The following EIF3H variants were observed in gnomAD, a reference collection of about 807,000 sequenced individuals.
EIF3H encodes the protein eukaryotic translation initiation factor 3 subunit H.
In EIF3H, 26 loss-of-function variants were observed where a neutral mutation model predicts 44.2. That is an observed-to-expected ratio of 0.59 (90% confidence interval 0.43 to 0.82). The LOEUF (loss-of-function observed/expected upper bound fraction) is 0.82, where lower values mean the gene tolerates loss of function less well. Among genes scored for constraint, EIF3H ranks in the 40% least tolerant of loss-of-function variants. EIF3H has a pLI of 0.00. For synonymous variants in EIF3H, 166 were observed against 151.9 expected, an observed-to-expected ratio of 1.09 and a Z score of -0.68; for missense variants, 359 against 432.8, an observed-to-expected ratio of 0.83 and a Z score of 1.51.
At chr8:116,762,645 G>A (rs760235340) in intron 1 of EIF3H, among the ~76,000 whole-genome samples, 5 of 152,190 alleles carry the variant, frequency 3.3e-5, no homozygotes, top group Non-Finnish European at 7.3e-5. Flanking sequence ...CAGAATGCTG[G>A]GGAATGGGCT....
chr8:116,756,679 T>G (rs1815455515), upstream of EIF3H, among the ~76,000 whole-genome samples: 1 of 152,234 alleles, frequency 6.6e-6, no homozygotes, highest in African/African-American at 2.4e-5. Context: ...TTTTGTTGTT[T>G]TGTCATTGGG....
intron 1 of EIF3H, among the ~76,000 whole-genome samples, chr8:116,753,788 T>A (rs980470974): frequency 6.6e-6 from 1 of 152,196 alleles, no homozygotes; most frequent in African/African-American, 2.4e-5. Context: ...TATTTGGCAC[T>A]TAACAGAATG....
At chr8:116,761,447 G>T (rs1437900806) in intron 1 of EIF3H, among the ~76,000 whole-genome samples, 1 of 149,270 alleles carries the variant, frequency 6.7e-6, no homozygotes, top group Non-Finnish European at 1.5e-5. Context: ...GGGAGGCAGA[G>T]GTTGCAGTGA....
At chr8:116,668,601 G>C (rs1398327073) in intron 2 of EIF3H, among the ~76,000 whole-genome samples, 3 of 152,096 alleles carry the variant, frequency 2.0e-5, no homozygotes, top group Non-Finnish European at 4.4e-5. Flanking sequence ...AGACTACTCT[G>C]AATCTGAAGC....
chr8:116,760,813 A>G (rs1815511383), upstream of EIF3H, among the ~76,000 whole-genome samples: 1 of 152,244 alleles, frequency 6.6e-6, no homozygotes, highest in South Asian at 2.1e-4. Flanking sequence ...AAATATATAC[A>G]AAACCATGAG....
chr8:116,681,926 A>C (rs139574857), intron 2 of EIF3H, among the ~76,000 whole-genome samples: 1 of 152,224 alleles, frequency 6.6e-6, no homozygotes. Flanking sequence ...AAAGATATAG[A>C]TAAGATAGGG....
chr8:116,666,955 G>A (rs1813680069), intron 2 of EIF3H, among the ~76,000 whole-genome samples: 1 of 152,170 alleles, frequency 6.6e-6, no homozygotes, highest in Admixed American at 6.5e-5. Flanking sequence ...AAGTATAAGT[G>A]TGTGTGCATA....
At chr8:116,713,611 A>G (rs1271140687) in intron 2 of EIF3H, among the ~76,000 whole-genome samples, 1 of 152,132 alleles carries the variant, frequency 6.6e-6, no homozygotes, top group African/African-American at 2.4e-5. Context: ...GATGCTTCCT[A>G]TTCAGATTTT....
intron 2 of EIF3H, among the ~76,000 whole-genome samples, chr8:116,674,979 C>A (rs4601347): frequency 0.85 from 129,676 of 152,216 alleles, 55,419 homozygotes; most frequent in Middle Eastern, 0.89. Context: ...ACTTTGAACA[C>A]TGCTCCTGTA....
intron 2 of EIF3H, among the ~76,000 whole-genome samples, chr8:116,720,908 A>G (rs1180132232): frequency 6.6e-6 from 1 of 152,100 alleles, no homozygotes; most frequent in African/African-American, 2.4e-5. Flanking sequence ...AAAATCATTC[A>G]GTTTTAAAAG....
At chr8:116,729,147 A>C (rs1488797817) in intron 1 of EIF3H, among the ~76,000 whole-genome samples, 1 of 152,180 alleles carries the variant, frequency 6.6e-6, no homozygotes, top group Admixed American at 6.5e-5. Context: ...TGAGATTGCT[A>C]AACCACTACT....
intron 2 of EIF3H, among the ~76,000 whole-genome samples, chr8:116,683,948 T>G (rs762351701): frequency 9.2e-5 from 14 of 152,250 alleles, no homozygotes; most frequent in Non-Finnish European, 1.6e-4. Context: ...CCACTTAGCA[T>G]GTATTCATGT....
intron 2 of EIF3H, among the ~76,000 whole-genome samples, chr8:116,661,586 A>C (rs1186441110): frequency 6.6e-6 from 1 of 152,246 alleles, no homozygotes; most frequent in Non-Finnish European, 1.5e-5. Flanking sequence ...TTCACTGGAC[A>C]TACTAATTAT....
chr8:116,729,405 C>T (rs563047026), intron 1 of EIF3H, among the ~76,000 whole-genome samples: 12 of 152,170 alleles, frequency 7.9e-5, no homozygotes, highest in African/African-American at 2.9e-4. Flanking sequence ...ATATTGAAAA[C>T]TGTCTTAACT....
At position 116,657,499 on chromosome 8, in the gene EIF3H, G is replaced by A. The variant is rs190569318; in HGVS notation, c.458-185C>T. ...ATTGCAAATAGCACTTGAAAATGCA[G>A]GAATACCTCTATCCTACTTACAATA... is the stretch of plus-strand genomic sequence containing the variant. On this transcript the variant is annotated intron_variant, in intron 3 of 7. Coordinates refer to ENST00000521861, the MANE Select transcript of EIF3H (RefSeq NM_003756.3). 241 of 588,936 alleles carry A rather than the reference G, an allele frequency of 4.1e-4. No individual in the cohort carries two copies. In the African/African-American group the frequency reaches 4.2e-3, roughly 10 times the overall value. The allele number at this position is 588,936 out of a possible 1,614,324, so 36.5% of individuals were successfully genotyped here.
intron 2 of EIF3H, among the ~76,000 whole-genome samples, chr8:116,695,756 G>T (rs1490775931): frequency 6.6e-6 from 1 of 152,132 alleles, no homozygotes; most frequent in Non-Finnish European, 1.5e-5. Context: ...ACTGAGCAAG[G>T]TGGGGAGGGC....
rs143759146 is a variant in EIF3H, at chr8:116,667,108, A to G, written c.290-8128T>C. Among the ~76,000 whole-genome samples, 10 of 152,346 alleles carry G rather than the reference A, an allele frequency of 6.6e-5. No individual in the cohort carries two copies. In the East Asian group the frequency reaches 1.9e-3, roughly 29 times the overall value. Reference sequence around the variant, plus strand: ...AGAAACTAGAAACTGAAGGAGAGGCAGAGACTTGAACAAAGTGAATCAGGC... The same window carrying G: ...AGAAACTAGAAACTGAAGGAGAGGCGGAGACTTGAACAAAGTGAATCAGGC... On this transcript the variant is annotated intron_variant, in intron 2 of 7. Coordinates refer to ENST00000521861, the MANE Select transcript of EIF3H (RefSeq NM_003756.3).
chr8:116,695,187 C>G (rs1360846925), intron 2 of EIF3H, among the ~76,000 whole-genome samples: 1 of 151,848 alleles, frequency 6.6e-6, no homozygotes, highest in African/African-American at 2.4e-5. Context: ...CGTGCCTCAG[C>G]CACCCAAGTA....
chr8:116,689,042 G>A (rs1563643244), intron 2 of EIF3H: 2 of 429,744 alleles, frequency 4.7e-6, no homozygotes, highest in Non-Finnish European at 9.3e-6. Context: ...CAAATGTTCA[G>A]ATGAATAACA....
Sources: allele counts gnomAD v4.1 joint callset (sites outside exome capture counted in the v4.1 genomes callset), GRCh38; gene constraint gnomAD v4.1.1; transcripts MANE v1.5; gene names NCBI Gene and HGNC (gene_info 2026-07-23, HGNC 2026-07-21).